TENM3: variants seen among roughly 807,000 people sequenced by gnomAD.
TENM3 encodes the protein teneurin-3.
TENM3 carries 63 observed loss-of-function variants against 255.1 expected under a neutral mutation model. The ratio of observed to expected loss-of-function variants is 0.25; its 90% CI spans 0.20 to 0.30. The LOEUF (loss-of-function observed/expected upper bound fraction) is 0.30. Ranked by LOEUF, TENM3 falls within the 10% of genes least tolerant of loss-of-function variation. The pLI is 1.00. For synonymous variants in TENM3, 1,306 were observed against 1,322.3 expected, an observed-to-expected ratio of 0.99 and a Z score of 0.27; for missense variants, 2,929 against 3,461.1, an observed-to-expected ratio of 0.85 and a Z score of 3.86.
chr4:181,862,074 G>A, the TENM3 span, among the ~76,000 whole-genome samples: 4 of 152,056 alleles, frequency 2.6e-5, no homozygotes, highest in Non-Finnish European at 4.4e-5. Flanking sequence ...TTGTGTTAAC[G>A]TTTAAGACGT....
intron 3 of TENM3, among the ~76,000 whole-genome samples, chr4:182,560,072 A>C (rs1374322719): frequency 6.6e-6 from 1 of 151,670 alleles, no homozygotes. Flanking sequence ...ATTAAAAATT[A>C]AAAAAAGGTT....
the TENM3 span, among the ~76,000 whole-genome samples, chr4:181,549,182 C>T: frequency 0.046 from 6,962 of 152,192 alleles, 505 homozygotes; most frequent in African/African-American, 0.15. Flanking sequence ...CTGGCTGCCC[C>T]GCCAGAGGTC....
the TENM3 span, among the ~76,000 whole-genome samples, chr4:181,935,196 G>A: frequency 6.6e-6 from 1 of 152,126 alleles, no homozygotes; most frequent in Non-Finnish European, 1.5e-5. Context: ...TATCTCTATG[G>A]AACTAAAAAC....
chr4:182,463,836 TG>T, intron 3 of TENM3, among the ~76,000 whole-genome samples: 1 of 152,144 alleles, frequency 6.6e-6, no homozygotes, highest in Non-Finnish European at 1.5e-5. Context: ...TTGGTCAGGC[TG>T]GTCTCGAACT....
chr4:182,744,196 T>C (rs956014791), intron 19 of TENM3: 8 of 943,736 alleles, frequency 8.5e-6, no homozygotes, highest in Non-Finnish European at 1.0e-5. Context: ...ATTGTATATT[T>C]TCAAATATCC....
the TENM3 span, among the ~76,000 whole-genome samples, chr4:181,992,014 A>T: frequency 6.6e-6 from 1 of 152,192 alleles, no homozygotes; most frequent in East Asian, 1.9e-4. Context: ...CTTTAAAAAA[A>T]TTCTCAAATG....
At chr4:182,057,370 ATCTT>A in the TENM3 span, among the ~76,000 whole-genome samples, 3 of 149,330 alleles carry the variant, frequency 2.0e-5, no homozygotes, top group African/African-American at 4.9e-5. Context: ...TTAGACCCAA[ATCTT>A]TCTTTATCTT....
chr4:182,070,057 C>T, the TENM3 span, among the ~76,000 whole-genome samples: 38 of 152,112 alleles, frequency 2.5e-4, no homozygotes, highest in Non-Finnish European at 4.0e-4. Flanking sequence ...AGGCTGCAGA[C>T]TGTGTGGAGA....
intron 3 of TENM3, among the ~76,000 whole-genome samples, chr4:182,418,681 C>T (rs1427727337): frequency 6.6e-6 from 1 of 152,182 alleles, no homozygotes; most frequent in East Asian, 1.9e-4. Flanking sequence ...CCCACCTCAG[C>T]CTCCCACGCA....
intron 3 of TENM3, among the ~76,000 whole-genome samples, chr4:182,369,714 C>G (rs987002916): frequency 6.6e-6 from 1 of 152,092 alleles, no homozygotes; most frequent in Non-Finnish European, 1.5e-5. Context: ...AATTCCATCT[C>G]TATTAAAAAA....
chr4:182,269,495 A>G (rs544300974), intron 1 of TENM3, among the ~76,000 whole-genome samples: 1 of 152,212 alleles, frequency 6.6e-6, no homozygotes, highest in East Asian at 1.9e-4. Flanking sequence ...TCACTGAGAG[A>G]AGATGTCACC....
chr4:182,472,762 C>A (rs1051255096), intron 3 of TENM3, among the ~76,000 whole-genome samples: 1 of 151,952 alleles, frequency 6.6e-6, no homozygotes, highest in Admixed American at 6.6e-5. Context: ...TGTTGCTAGG[C>A]TGGAGTGCAA....
chr4:181,969,784 A>G, the TENM3 span, among the ~76,000 whole-genome samples: 14 of 152,214 alleles, frequency 9.2e-5, no homozygotes, highest in African/African-American at 3.4e-4. Flanking sequence ...TAGAAGGTCT[A>G]TTTCTCATTT....
At chr4:182,522,227 A>G (rs971126528) in intron 3 of TENM3, among the ~76,000 whole-genome samples, 3 of 152,208 alleles carry the variant, frequency 2.0e-5, no homozygotes, top group East Asian at 1.9e-4. Flanking sequence ...TGGAATATAC[A>G]GTGAATTATT....
the TENM3 span, among the ~76,000 whole-genome samples, chr4:181,721,780 G>A: frequency 6.6e-5 from 10 of 151,830 alleles, no homozygotes; most frequent in Admixed American, 2.6e-4. Context: ...TGGGCAATAA[G>A]GATATGTAAA....
intron 3 of TENM3, among the ~76,000 whole-genome samples, chr4:182,350,876 G>T (rs1361392177): frequency 6.6e-6 from 1 of 152,062 alleles, no homozygotes; most frequent in Non-Finnish European, 1.5e-5. Context: ...GTAGAGACGG[G>T]GTTTCACCAT....
At chr4:181,907,551 T>C in the TENM3 span, among the ~76,000 whole-genome samples, 1 of 152,124 alleles carries the variant, frequency 6.6e-6, no homozygotes, top group Non-Finnish European at 1.5e-5. Flanking sequence ...GCCAGAGTCC[T>C]GTGCTGGGTA....
At chr4:181,775,942 A>T in the TENM3 span, among the ~76,000 whole-genome samples, 3 of 152,140 alleles carry the variant, frequency 2.0e-5, no homozygotes, top group Non-Finnish European at 4.4e-5. Context: ...AGTCCTCTCT[A>T]CTGACTATGT....
chr4:182,250,735 T>C (rs2150114100), intron 1 of TENM3, among the ~76,000 whole-genome samples: 1 of 152,338 alleles, frequency 6.6e-6, no homozygotes, highest in East Asian at 1.9e-4. Context: ...TTTTTCCAGG[T>C]TAATGAAGAT....
Sources: allele counts gnomAD v4.1 joint callset (sites outside exome capture counted in the v4.1 genomes callset), GRCh38; gene constraint gnomAD v4.1.1; transcripts MANE v1.5; gene names NCBI Gene and HGNC (gene_info 2026-07-23, HGNC 2026-07-21).